Variants in RIT2 observed in about 807,000 individuals in gnomAD.
RIT2 encodes GTP-binding protein Rit2.
RIT2 carries 24 observed loss-of-function variants against 23.7 expected under a neutral mutation model. The ratio of observed to expected loss-of-function variants is 1.01; its 90% CI spans 0.73 to 1.43. The LOEUF is 1.43. Among genes scored for constraint, RIT2 ranks in the 40% most tolerant of loss-of-function variants. The pLI, the probability that RIT2 is intolerant of heterozygous loss-of-function variation, is 0.00. For synonymous variants in RIT2, 107 were observed against 91.1 expected (o/e 1.17, Z -0.99); for missense variants, 236 against 266.9 (o/e 0.88, Z 0.81).
chr18:42,925,213 A>G (rs1224176838), intron 3 of RIT2, among the ~76,000 whole-genome samples: 1 of 152,028 alleles, frequency 6.6e-6, no homozygotes, highest in Non-Finnish European at 1.5e-5. Flanking sequence ...AAAATATTCT[A>G]TTGGATCCAT....
chr18:42,752,648 T>C lies in RIT2; in HGVS notation c.427-8928A>G, dbSNP rs184529278. On this transcript the variant is annotated intron_variant, in intron 4 of 4. Coordinates refer to ENST00000326695, the MANE Select transcript of RIT2 (RefSeq NM_002930.4). Reference sequence around the variant, plus strand: ...TTTAGTTGATTGTTCTGATGTGAGGTTTTACAACTTAAAATAATTCTTAAA... The same window carrying C: ...TTTAGTTGATTGTTCTGATGTGAGGCTTTACAACTTAAAATAATTCTTAAA... Among the ~76,000 whole-genome samples, 221 of 152,292 alleles carry C rather than the reference T, an allele frequency of 1.5e-3. 1 individual carries two copies. Among genetic ancestry groups the C allele is most frequent in the Non-Finnish European group, 2.5e-3 (171 of 68,032 alleles).
chr18:42,772,296 T>C (rs1430270635), intron 4 of RIT2, among the ~76,000 whole-genome samples: 2 of 152,174 alleles, frequency 1.3e-5, no homozygotes, highest in Non-Finnish European at 2.9e-5. Flanking sequence ...ACACACTTGC[T>C]CACTGTTCTC....
In RIT2 at chr18:42,931,227, C is replaced by T. The variant is rs185775126; in HGVS notation, c.235-7464G>A. Among the ~76,000 whole-genome samples, 35 of 152,076 alleles carry T rather than the reference C, an allele frequency of 2.3e-4. No homozygotes were observed. In the East Asian group the frequency reaches 6.0e-3, roughly 26 times the overall value. On this transcript the variant is annotated intron_variant, in intron 3 of 4. Transcript: ENST00000326695. The stretch of plus-strand genomic sequence containing the variant: ...AATGTTTTTAAATATGTTACTATTC[C>T]CTGGATGATATGCACTTTAAGGGGA...
intron 4 of RIT2, among the ~76,000 whole-genome samples, chr18:42,783,900 A>T (rs1913867961): frequency 6.6e-6 from 1 of 152,100 alleles, no homozygotes; most frequent in South Asian, 2.1e-4. Context: ...GTCATTTGTT[A>T]TTCCTTATTG....
Position 42,916,977 on chromosome 18 carries a change from A to G in RIT2, c.426+6595T>C, listed in dbSNP as rs139644552. Reference sequence around the variant, plus strand: ...TCCCTAGCAAGATTTGCCTGTCAGTATCTCACATTGGACTGAAATGGCTGG... The same window carrying G: ...TCCCTAGCAAGATTTGCCTGTCAGTGTCTCACATTGGACTGAAATGGCTGG... On this transcript the variant is annotated intron_variant, in intron 4 of 4. Transcript: ENST00000326695. Among the ~76,000 whole-genome samples, 316 of 152,242 alleles carry G rather than the reference A, an allele frequency of 2.1e-3. 2 individuals carry two copies. Among genetic ancestry groups the G allele is most frequent in the African/African-American group, 7.1e-3 (296 of 41,566 alleles).
At chr18:42,937,778 T>A (rs933436609) in intron 3 of RIT2, among the ~76,000 whole-genome samples, 1 of 152,180 alleles carries the variant, frequency 6.6e-6, no homozygotes, top group Non-Finnish European at 1.5e-5. Context: ...ATAAAATTCA[T>A]TGGGGGAACA....
intron 3 of RIT2, among the ~76,000 whole-genome samples, chr18:42,971,516 C>G (rs1910360648): frequency 6.6e-6 from 1 of 151,894 alleles, no homozygotes; most frequent in African/African-American, 2.4e-5. Flanking sequence ...CCATCTCCAG[C>G]CATATGTAAC....
intron 4 of RIT2, among the ~76,000 whole-genome samples, chr18:42,831,275 A>G (rs943831328): frequency 6.6e-6 from 1 of 152,216 alleles, no homozygotes; most frequent in African/African-American, 2.4e-5. Context: ...GTGTTAAAAC[A>G]CTTGTTTTCT....
At chr18:42,791,036 C>G (rs958300991) in intron 4 of RIT2, among the ~76,000 whole-genome samples, 1 of 152,132 alleles carries the variant, frequency 6.6e-6, no homozygotes, top group Non-Finnish European at 1.5e-5. Context: ...GGTTTCCTCC[C>G]TACATGCCTT....
At chr18:43,115,170 C>T (rs945779564) in intron 1 of RIT2, among the ~76,000 whole-genome samples, 1 of 152,110 alleles carries the variant, frequency 6.6e-6, no homozygotes, top group African/African-American at 2.4e-5. Flanking sequence ...TATCACCCAG[C>T]ATGAAATCAA....
rs144964226 is a variant in RIT2 at position 42,781,929 on chromosome 18, T to G, written c.427-38209A>C. Among the ~76,000 whole-genome samples the G allele has an allele frequency of 5.8e-3, 891 of 152,310 alleles. 8 individuals carry two copies. Among genetic ancestry groups the G allele is most frequent in the Middle Eastern group, 0.041 (12 of 294 alleles). ...GGGTAATTTCATCCACCTTTTTGCA[T>G]TGTTCTATTTCTGGCATTTTTCCTA... On this transcript the variant is annotated intron_variant, in intron 4 of 4. Transcript: ENST00000326695.
chr18:42,799,712 C>T (rs539710618), intron 4 of RIT2, among the ~76,000 whole-genome samples: 2 of 152,266 alleles, frequency 1.3e-5, no homozygotes, highest in African/African-American at 4.8e-5. Context: ...AACATGCTTC[C>T]CCATATTTTA....
At chr18:42,848,625 T>C (rs574099912) in intron 4 of RIT2, among the ~76,000 whole-genome samples, 2 of 152,336 alleles carry the variant, frequency 1.3e-5, no homozygotes, top group Non-Finnish European at 2.9e-5. Flanking sequence ...CCATACGTAC[T>C]ATGAACTAGC....
At chr18:42,897,971 C>A (rs578143694) in intron 4 of RIT2, among the ~76,000 whole-genome samples, 213 of 152,214 alleles carry the variant, frequency 1.4e-3, no homozygotes, top group Admixed American at 2.5e-3. Flanking sequence ...AGCTTGTAAT[C>A]GTGGGCAAAA....
chr18:42,952,271 GC>G (rs1283294396), intron 3 of RIT2, among the ~76,000 whole-genome samples: 1 of 152,088 alleles, frequency 6.6e-6, no homozygotes, highest in Non-Finnish European at 1.5e-5. Flanking sequence ...AGTGAAATAA[GC>G]CAGACACAGA....
chr18:42,925,655 A>T (rs1204280383), intron 3 of RIT2, among the ~76,000 whole-genome samples: 2 of 151,830 alleles, frequency 1.3e-5, no homozygotes, highest in Admixed American at 1.3e-4. Flanking sequence ...TAAATGGTAC[A>T]GATATATCTA....
chr18:42,804,734 G>A (rs1246444996), intron 4 of RIT2, among the ~76,000 whole-genome samples: 2 of 152,090 alleles, frequency 1.3e-5, no homozygotes, highest in African/African-American at 4.8e-5. Flanking sequence ...ACCAGAGTAT[G>A]CTGACTCAAC....
At chr18:42,743,788 C>G in intron 4 of RIT2, 68 bp from the exon 5 acceptor site, 1 of 1,226,358 alleles carries the variant, frequency 8.2e-7, no homozygotes, top group South Asian at 1.4e-5. Flanking sequence ...AATACGTTCT[C>G]TACTAGAGCT....
chr18:42,970,734 T>C (rs1341147038), intron 3 of RIT2, among the ~76,000 whole-genome samples: 1 of 151,980 alleles, frequency 6.6e-6, no homozygotes, highest in Non-Finnish European at 1.5e-5. Flanking sequence ...TTAGGTTATA[T>C]CCATTTATAT....
Sources: gnomAD v4.1 joint callset for allele counts (sites outside exome capture counted in the v4.1 genomes callset) on GRCh38, gnomAD v4.1.1 for gene constraint, MANE v1.5 for transcripts, NCBI Gene and HGNC (gene_info 2026-07-23, HGNC 2026-07-21) for gene names.